NOL4: variants seen among roughly 807,000 people sequenced by gnomAD.
NOL4 encodes nucleolar protein 4.
A neutral mutation model predicts 75.9 loss-of-function variants in NOL4; 17 were observed. The observed-to-expected ratio is 0.22, with a 90% confidence interval of 0.15 to 0.34. The LOEUF (loss-of-function observed/expected upper bound fraction) is 0.34. Ranked by LOEUF, NOL4 falls within the 10% of genes least tolerant of loss-of-function variation. The pLI is 1.00. For synonymous variants in NOL4, 292 were observed against 289.9 expected (o/e 1.01, Z -0.07); for missense variants, 614 against 793.5 (o/e 0.77, Z 2.72).
chr18:33,926,757 C>A (rs1021907860), intron 9 of NOL4, among the ~76,000 whole-genome samples: 1 of 151,982 alleles, frequency 6.6e-6, no homozygotes. Context: ...CCCACCACCA[C>A]GCCCAGCTAA....
At chr18:33,911,556 TTGC>T (rs777069989) in intron 9 of NOL4, among the ~76,000 whole-genome samples, 25 of 152,198 alleles carry the variant, frequency 1.6e-4, no homozygotes, top group Non-Finnish European at 4.4e-5. Context: ...TCTTTTTTGC[TTGC>T]TGTTCTTTTT....
Position 33,880,165 on chromosome 18 carries a change from A to G in NOL4, c.1723+3079T>C, listed in dbSNP as rs574428177. ...TATGTGTTTCTTTTCTAGTATTTTT[A>G]TCATATGATTTTGGGTATAGTTTTT... is the stretch of plus-strand genomic sequence containing the variant. On this transcript the variant is annotated intron_variant, in intron 10 of 10. Coordinates refer to ENST00000261592, the MANE Select transcript of NOL4 (RefSeq NM_003787.5). Among the ~76,000 whole-genome samples the G allele has an allele frequency of 1.9e-3, 292 of 152,148 alleles. 1 individual carries two copies. The highest frequency in any genetic ancestry group is 0.014 in the Middle Eastern group (4 of 294).
intron 5 of NOL4, among the ~76,000 whole-genome samples, chr18:34,082,473 C>T (rs1204089915): frequency 6.6e-6 from 1 of 152,050 alleles, no homozygotes; most frequent in Admixed American, 6.5e-5. Context: ...AATTTTAGTT[C>T]TCGTCATCAT....
At position 33,883,147 on chromosome 18, in the gene NOL4, G is replaced by A. The variant is rs555419407; in HGVS notation, c.1723+97C>T. ...GGTGCAGCGCACCAGCATGGCACAT[G>A]TATACATATGTAACTAACCTGCGCA... On this transcript the variant is annotated intron_variant, in intron 10 of 10. Transcript: ENST00000261592. The A allele has an allele frequency of 2.7e-4, 230 of 838,308 alleles. No homozygotes were observed. The African/African-American group carries it at 3.6e-3, about 13-fold the overall frequency. The allele number at this position is 838,308 out of a possible 1,614,324, so 51.9% of individuals were successfully genotyped here. A position where few individuals can be genotyped will look rare whatever the true frequency, so the allele number is the denominator to read the frequency against.
chr18:33,865,313 C>T (rs1031367598), intron 10 of NOL4, among the ~76,000 whole-genome samples: 2 of 151,918 alleles, frequency 1.3e-5, no homozygotes, highest in Non-Finnish European at 2.9e-5. Context: ...AATCATCTCT[C>T]GATTACTTAT....
intron 5 of NOL4, among the ~76,000 whole-genome samples, chr18:34,055,698 ATCTC>A (rs1220385564): frequency 6.6e-6 from 1 of 151,746 alleles, no homozygotes; most frequent in Non-Finnish European, 1.5e-5. Flanking sequence ...CTGCCCCTTT[ATCTC>A]TCTCTCTGTC....
chr18:33,960,976 T>C (rs1048680149), intron 6 of NOL4, among the ~76,000 whole-genome samples: 2 of 152,090 alleles, frequency 1.3e-5, no homozygotes, highest in African/African-American at 2.4e-5. Context: ...AATATATGTA[T>C]TTTATATGGG....
intron 1 of NOL4, among the ~76,000 whole-genome samples, chr18:34,211,837 C>T (rs1012791255): frequency 6.6e-6 from 1 of 152,052 alleles, no homozygotes; most frequent in East Asian, 1.9e-4. Flanking sequence ...TTACAATTTC[C>T]TCCAGTATCT....
At chr18:33,877,364 C>A (rs1268067342) in intron 10 of NOL4, among the ~76,000 whole-genome samples, 1 of 150,280 alleles carries the variant, frequency 6.7e-6, no homozygotes, top group African/African-American at 2.5e-5. Flanking sequence ...CTTATAGTCC[C>A]AGCTACTCAG....
At chr18:34,070,157 C>A (rs1044355139) in intron 5 of NOL4, among the ~76,000 whole-genome samples, 19 of 152,182 alleles carry the variant, frequency 1.2e-4, no homozygotes, top group Admixed American at 6.5e-4. Flanking sequence ...TCAGCCTCCC[C>A]AGTAGCTGGG....
chr18:33,901,626 G>C (rs1419884907), intron 9 of NOL4, among the ~76,000 whole-genome samples: 2 of 151,956 alleles, frequency 1.3e-5, no homozygotes, highest in African/African-American at 4.8e-5. Flanking sequence ...AAAAATTTTG[G>C]AGTGTTTTCA....
At chr18:34,112,370 C>T (rs188138595) in intron 2 of NOL4, among the ~76,000 whole-genome samples, 21 of 149,462 alleles carry the variant, frequency 1.4e-4, no homozygotes, top group African/African-American at 4.9e-4. Flanking sequence ...CTGTCCCCCC[C>T]CAAAAAAAAA....
At chr18:34,004,667 T>C (rs2073932361) in intron 6 of NOL4, among the ~76,000 whole-genome samples, 1 of 152,026 alleles carries the variant, frequency 6.6e-6, no homozygotes, top group Non-Finnish European at 1.5e-5. Context: ...TAAAGAGAGA[T>C]TAACTATCTA....
At chr18:33,875,130 A>G (rs1439035499) in intron 10 of NOL4, among the ~76,000 whole-genome samples, 1 of 152,034 alleles carries the variant, frequency 6.6e-6, no homozygotes, top group Non-Finnish European at 1.5e-5. Context: ...TCAGTAGTTA[A>G]CTTATGCATT....
intron 1 of NOL4, among the ~76,000 whole-genome samples, chr18:34,204,356 T>C (rs932494862): frequency 6.6e-6 from 1 of 152,072 alleles, no homozygotes; most frequent in African/African-American, 2.4e-5. Context: ...CCAGTAATAC[T>C]ATCATATTTG....
In NOL4 at chr18:33,863,416, A is replaced by G. The variant is rs1425149798; in HGVS notation, c.1724-10381T>C. 2.0e-5 allele frequency among the ~76,000 whole-genome samples: 3 copies of G among 152,270 alleles called. No individual in the cohort carries two copies. In the East Asian group the frequency reaches 5.8e-4, roughly 29 times the overall value. On this transcript the variant is annotated intron_variant, in intron 10 of 10. Transcript: ENST00000261592. Reference sequence around the variant, plus strand: ...TGCATATGTACCCTAAACTTAAAGTATAATAATAATAAAAAAAAGTTACTT... The same window carrying G: ...TGCATATGTACCCTAAACTTAAAGTGTAATAATAATAAAAAAAAGTTACTT...
intron 2 of NOL4, among the ~76,000 whole-genome samples, chr18:34,110,372 G>A (rs1302220458): frequency 6.6e-6 from 1 of 152,000 alleles, no homozygotes; most frequent in African/African-American, 2.4e-5. Flanking sequence ...ATGCAAGGAT[G>A]TTTCAACATA....
At position 34,221,885 on chromosome 18, in the gene NOL4, G is replaced by T. The variant is rs1433651400; in HGVS notation, c.264+1105C>A. ...AGCGTCTCCTTTCTAGCATCCTCCA[G>T]GAATACTGCACCGGGAAACAGTTGC... is the stretch of plus-strand genomic sequence containing the variant. On this transcript the variant is annotated intron_variant, in intron 1 of 10. Transcript: ENST00000261592. 3.0e-5 allele frequency: 20 copies of T among 660,424 alleles called. No individual in the cohort carries two copies. The Admixed American group carries it at 5.9e-4, about 20-fold the overall frequency. The allele number at this position is 660,424 out of a possible 1,614,324, so 40.9% of individuals were successfully genotyped here. A position where few individuals can be genotyped will look rare whatever the true frequency, so the allele number is the denominator to read the frequency against.
At chr18:34,167,095 A>G (rs1007064466) in intron 1 of NOL4, among the ~76,000 whole-genome samples, 2 of 150,478 alleles carry the variant, frequency 1.3e-5, no homozygotes, top group African/African-American at 4.9e-5. Flanking sequence ...AAAAAAAAAT[A>G]TATAGTATAA....
Sources: gnomAD v4.1 joint callset for allele counts (sites outside exome capture counted in the v4.1 genomes callset) on GRCh38, gnomAD v4.1.1 for gene constraint, MANE v1.5 for transcripts, NCBI Gene and HGNC (gene_info 2026-07-23, HGNC 2026-07-21) for gene names.